Variants in TPPP observed in about 807,000 individuals in gnomAD.
The protein encoded by TPPP is tubulin polymerization-promoting protein.
In TPPP, 6 loss-of-function variants were observed where a neutral mutation model predicts 15.5. That is an observed-to-expected ratio of 0.39 (90% CI 0.21 to 0.77). TPPP has a LOEUF of 0.77. Ranked by LOEUF, TPPP falls within the 30% of genes least tolerant of loss-of-function variation. The pLI is 0.42. For missense variants in TPPP, 269 were observed against 307.2 expected, an observed-to-expected ratio of 0.88 and a Z score of 0.93; for synonymous variants, 146 against 133.9, an observed-to-expected ratio of 1.09 and a Z score of -0.63.
chr5:668,540 C>G (rs1341045871), intron 2 of TPPP, among the ~76,000 whole-genome samples: 3 of 117,556 alleles, frequency 2.6e-5, no homozygotes, highest in African/African-American at 7.7e-5. Flanking sequence ...CCAGGGGGCT[C>G]AGACAATCAA....
chr5:665,995 T>A lies in TPPP; in HGVS notation c.440A>T (p.Lys147Met). 4.2e-6 allele frequency: 6 copies of A among 1,428,678 alleles called. No individual in the cohort carries two copies. The highest frequency in any genetic ancestry group is 5.6e-6 in the Non-Finnish European group (6 of 1,070,336). 88.5% of individuals were successfully genotyped at this position (1,428,678 alleles called of 1,614,324 possible). A position where few individuals can be genotyped will look rare whatever the true frequency, so the allele number is the denominator to read the frequency against. The change falls in exon 3 of 4, where the codon AAG becomes ATG. Residue 147 changes from lysine (K) to methionine (M), a missense_variant. Transcript: ENST00000360578. ...CGTCACCCCTGAGATGATGGGCGCC[T>A]TGCCCTCGATGAGCCTGTGCACCTC... ...VREVHRLIEG[K>M]APIISGVTKA...
At chr5:665,334 C>T (rs750159947) in intron 3 of TPPP, 38 bp from the exon 4 acceptor site, 43 of 1,579,252 alleles carry the variant, frequency 2.7e-5, no homozygotes, top group African/African-American at 4.0e-5. Context: ...AGGTGAGTTG[C>T]GAGCCAGGTG....
upstream of TPPP, among the ~76,000 whole-genome samples, chr5:698,033 G>A (rs1384789388): frequency 4.1e-5 from 6 of 145,526 alleles, no homozygotes; most frequent in South Asian, 4.7e-4. Context: ...TAAATGTGAC[G>A]TATCACATGA....
At position 664,948 on chromosome 5, in the gene TPPP, G is replaced by A. The variant is rs1739831316; in HGVS notation, c.*154C>T. Reference sequence around the variant, plus strand: ...GCTGGGGGCATCCGGTAGGAGGAGGGGCAGGAGGGAGGCCTGGGCCTGGCC... The same window carrying A: ...GCTGGGGGCATCCGGTAGGAGGAGGAGCAGGAGGGAGGCCTGGGCCTGGCC... On this transcript the variant is annotated 3_prime_UTR_variant, in exon 4 of 4. Coordinates refer to ENST00000360578, the MANE Select transcript of TPPP (RefSeq NM_007030.3). The A allele has an allele frequency of 3.7e-6, 3 of 810,166 alleles. No individual in the cohort carries two copies. The highest frequency in any genetic ancestry group is 1.7e-5 in the African/African-American group (1 of 57,928). 50.2% of individuals were successfully genotyped at this position (810,166 alleles called of 1,614,324 possible). A position where few individuals can be genotyped will look rare whatever the true frequency, so the allele number is the denominator to read the frequency against.
intron 2 of TPPP, among the ~76,000 whole-genome samples, chr5:668,875 C>T (rs1039244189): frequency 4.6e-5 from 7 of 152,218 alleles, no homozygotes; most frequent in Admixed American, 1.3e-4. Context: ...ACGCACCCAA[C>T]GCGGTGGGTG....
intron 2 of TPPP, among the ~76,000 whole-genome samples, chr5:675,042 A>G (rs1580086854): frequency 3.0e-5 from 1 of 33,648 alleles, no homozygotes; most frequent in Admixed American, 4.3e-4. Flanking sequence ...TGAGGGGGGT[A>G]CAGTATGGCT....
chr5:665,067 G>T lies in TPPP; in HGVS notation c.*35C>A. 1.3e-6 allele frequency: 2 copies of T among 1,593,232 alleles called. No individual in the cohort carries two copies. The highest frequency in any genetic ancestry group is 2.7e-5 in the African/African-American group (2 of 74,852). On this transcript the variant is annotated 3_prime_UTR_variant, in exon 4 of 4. Transcript: ENST00000360578. ...CGAGGTGACAGAGTCCCTGCTCTGGGGACACCGGCAGTGCCGCGAGGCATG... is the reference window on the plus strand; with the variant it reads ...CGAGGTGACAGAGTCCCTGCTCTGGTGACACCGGCAGTGCCGCGAGGCATG...
At chr5:672,042 G>A (rs902257104) in intron 2 of TPPP, among the ~76,000 whole-genome samples, 2 of 152,226 alleles carry the variant, frequency 1.3e-5, no homozygotes, top group South Asian at 2.1e-4. Context: ...GCCCTGTGGC[G>A]GCTGCCCTCC....
intron 2 of TPPP, among the ~76,000 whole-genome samples, chr5:670,501 T>C (rs1740181107): frequency 6.6e-6 from 1 of 151,996 alleles, no homozygotes; most frequent in South Asian, 2.1e-4. Flanking sequence ...TCTGGGATCT[T>C]CCATTAGCCC....
intron 1 of TPPP, among the ~76,000 whole-genome samples, chr5:679,376 C>T (rs1392608287): frequency 8.1e-6 from 1 of 122,906 alleles, no homozygotes; most frequent in East Asian, 2.0e-4. Context: ...GGGCAGGATC[C>T]TGGTGGGGGC....
chr5:674,692 A>G (rs1474056966), intron 2 of TPPP, among the ~76,000 whole-genome samples: 20 of 151,992 alleles, frequency 1.3e-4, no homozygotes, highest in Non-Finnish European at 1.2e-4. Context: ...ACAGGCCCAC[A>G]CCGCATGGCC....
chr5:669,256 C>T (rs1740094484), intron 2 of TPPP, among the ~76,000 whole-genome samples: 1 of 147,438 alleles, frequency 6.8e-6, no homozygotes, highest in Non-Finnish European at 1.5e-5. Context: ...TGTCCAGCAG[C>T]ATCCCCCAGG....
At chr5:670,603 C>T (rs765512082) in intron 2 of TPPP, among the ~76,000 whole-genome samples, 6 of 152,100 alleles carry the variant, frequency 3.9e-5, no homozygotes, top group Non-Finnish European at 8.8e-5. Context: ...CTGGTAGGGA[C>T]GCGGCCTTAG....
At chr5:691,769 C>G (rs1225554295) in intron 1 of TPPP, among the ~76,000 whole-genome samples, 4 of 81,554 alleles carry the variant, frequency 4.9e-5, no homozygotes, top group African/African-American at 1.7e-4. Flanking sequence ...AACAGCAGCC[C>G]CCAAATACCC....
rs1012632873 is a variant in TPPP, at chr5:662,038, G to A, written c.*3064C>T. 6.6e-6 allele frequency: 1 copy of A among 152,452 alleles called. No homozygotes were observed. The highest frequency in any genetic ancestry group is 2.4e-5 in the African/African-American group (1 of 41,462). The allele number at this position is 152,452 out of a possible 1,614,324, so 9.4% of individuals were successfully genotyped here. A position where few individuals can be genotyped will look rare whatever the true frequency, so the allele number is the denominator to read the frequency against. ...ACGGGCAGGGTGCCACAGCAGCCTC[G>A]ATCTCATTCACGAAACCCACAGGCG... is the stretch of plus-strand genomic sequence containing the variant. On this transcript the variant is annotated 3_prime_UTR_variant, in exon 4 of 4. Coordinates refer to ENST00000360578, the MANE Select transcript of TPPP (RefSeq NM_007030.3).
At chr5:677,603 G>A (rs392088) in intron 2 of TPPP, 147 bp downstream of exon 2, 448,578 of 698,610 alleles carry the variant, frequency 0.64, 146,783 homozygotes, top group African/African-American at 0.91. Flanking sequence ...AGGCTCCCAT[G>A]TCAGGGCTGC....
chr5:661,476 CCTCT>C lies in TPPP; in HGVS notation c.*3622_*3625del. ...GGTGTCACCCCTGACAGAACCTGTC[CCTCT>C]CTCCTGGTTTGCAGGTTGTGCAGTT... On this transcript the variant is annotated 3_prime_UTR_variant, in exon 4 of 4. Coordinates refer to ENST00000360578, the MANE Select transcript of TPPP (RefSeq NM_007030.3). 1 of 152,526 alleles carries C rather than the reference CCTCT, an allele frequency of 6.6e-6. No individual in the cohort carries two copies. Among genetic ancestry groups the C allele is most frequent in the Admixed American group, 6.5e-5 (1 of 15,304 alleles). The allele number at this position is 152,526 out of a possible 1,614,324, so 9.4% of individuals were successfully genotyped here. A position where few individuals can be genotyped will look rare whatever the true frequency, so the allele number is the denominator to read the frequency against.
intron 2 of TPPP, among the ~76,000 whole-genome samples, chr5:677,036 CGCGGAA>C (rs1267392339): frequency 1.3e-5 from 2 of 150,946 alleles, no homozygotes. Context: ...GCACACACGA[CGCGGAA>C]ACGCACACAC....
chr5:675,588 G>A (rs1458635227), intron 2 of TPPP, among the ~76,000 whole-genome samples: 1 of 149,076 alleles, frequency 6.7e-6, no homozygotes, highest in African/African-American at 2.5e-5. Context: ...GTGGCCAGGG[G>A]TGCAGCATGG....
Sources: allele counts gnomAD v4.1 joint callset (sites outside exome capture counted in the v4.1 genomes callset), GRCh38; gene constraint gnomAD v4.1.1; transcripts MANE v1.5; gene names NCBI Gene and HGNC (gene_info 2026-07-23, HGNC 2026-07-21).